The following ZNF385B variants were observed in gnomAD, a reference collection of about 807,000 sequenced individuals.
ZNF385B encodes the protein zinc finger protein 385B, also known as zinc finger protein 533.
A neutral mutation model predicts 39.2 loss-of-function variants in ZNF385B; 23 were observed. The ratio of observed to expected loss-of-function variants is 0.59; its 90% confidence interval spans 0.42 to 0.83. The LOEUF is 0.83. Ranked by LOEUF, ZNF385B falls within the 40% of genes least tolerant of loss-of-function variation. The pLI is 0.00. For missense variants in ZNF385B, 552 were observed against 598.9 expected (o/e 0.92, Z 0.82); for synonymous variants, 205 against 222.6 (o/e 0.92, Z 0.70).
chr2:179,725,334 A>C (rs1384864045), intron 3 of ZNF385B, among the ~76,000 whole-genome samples: 5 of 151,996 alleles, frequency 3.3e-5, no homozygotes, highest in Non-Finnish European at 7.4e-5. Flanking sequence ...AACTGCTTTA[A>C]CTATACTTCT....
intron 3 of ZNF385B, among the ~76,000 whole-genome samples, chr2:179,713,931 A>T (rs1700161721): frequency 6.6e-6 from 1 of 152,230 alleles, no homozygotes; most frequent in African/African-American, 2.4e-5. Context: ...TAATTTTCTT[A>T]ATAATCTAGC....
At chr2:179,645,764 T>C (rs180741183) in intron 3 of ZNF385B, among the ~76,000 whole-genome samples, 137 of 152,294 alleles carry the variant, frequency 9.0e-4, no homozygotes, top group African/African-American at 2.9e-3. Context: ...TGAAGTCCTA[T>C]AGGGCAGGGC....
chr2:179,618,069 T>G (rs1689908580), intron 3 of ZNF385B, among the ~76,000 whole-genome samples: 1 of 152,142 alleles, frequency 6.6e-6, no homozygotes, highest in Non-Finnish European at 1.5e-5. Context: ...ATTAGAAGGC[T>G]CCTACTTTAG....
At chr2:179,816,509 CAA>C (rs892409098) in intron 1 of ZNF385B, among the ~76,000 whole-genome samples, 2 of 152,166 alleles carry the variant, frequency 1.3e-5, no homozygotes, top group Non-Finnish European at 2.9e-5. Context: ...GAGTAAAAAT[CAA>C]AGTCTTTATG....
intron 3 of ZNF385B, among the ~76,000 whole-genome samples, chr2:179,616,241 G>A (rs1355891922): frequency 1.3e-5 from 2 of 152,112 alleles, no homozygotes; most frequent in African/African-American, 4.8e-5. Flanking sequence ...ACAATGCTTG[G>A]CACACAATGA....
chr2:179,730,334 AT>A lies in ZNF385B; in HGVS notation c.298+39168del, dbSNP rs112603142. The stretch of plus-strand genomic sequence containing the variant: ...TCATTCTTCTGGTCTTCAAGAAGAC[AT>A]TCTTCCATGTTATATAATTCTAGAA... On this transcript the variant is annotated intron_variant, in intron 3 of 9. Coordinates refer to ENST00000410066, the MANE Select transcript of ZNF385B (RefSeq NM_152520.6). Among the ~76,000 whole-genome samples, 7 of 152,358 alleles carry A rather than the reference AT, an allele frequency of 4.6e-5. 1 individual carries two copies. Among genetic ancestry groups the A allele is most frequent in the African/African-American group, 1.7e-4 (7 of 41,584 alleles).
chr2:179,648,906 A>G (rs1463363605), intron 3 of ZNF385B, among the ~76,000 whole-genome samples: 1 of 152,240 alleles, frequency 6.6e-6, no homozygotes, highest in East Asian at 1.9e-4. Context: ...AGAATGAGAT[A>G]TTCATAAGGT....
chr2:179,471,180 A>G (rs2052732229), intron 6 of ZNF385B, among the ~76,000 whole-genome samples: 1 of 152,198 alleles, frequency 6.6e-6, no homozygotes, highest in Admixed American at 6.6e-5. Flanking sequence ...GAATTGGGCA[A>G]GAAATAGATA....
chr2:179,522,122 T>C (rs1188552798), intron 4 of ZNF385B, among the ~76,000 whole-genome samples: 3 of 152,204 alleles, frequency 2.0e-5, no homozygotes, highest in Non-Finnish European at 4.4e-5. Flanking sequence ...ACAGACACTG[T>C]CAAGCTAATG....
intron 3 of ZNF385B, among the ~76,000 whole-genome samples, chr2:179,711,939 C>T (rs1162567964): frequency 7.0e-6 from 1 of 143,172 alleles, no homozygotes; most frequent in Non-Finnish European, 1.5e-5. Context: ...CGGCCTACTG[C>T]CACTGGACTG....
At chr2:179,701,699 T>G (rs773079879) in intron 3 of ZNF385B, among the ~76,000 whole-genome samples, 3 of 152,242 alleles carry the variant, frequency 2.0e-5, no homozygotes, top group Non-Finnish European at 4.4e-5. Flanking sequence ...CAGAAATGCC[T>G]GGCATTTGTT....
intron 3 of ZNF385B, among the ~76,000 whole-genome samples, chr2:179,619,116 A>G (rs1289913752): frequency 6.6e-6 from 1 of 152,210 alleles, no homozygotes; most frequent in Non-Finnish European, 1.5e-5. Context: ...CATAATTACC[A>G]CAAAAATTTG....
intron 1 of ZNF385B, among the ~76,000 whole-genome samples, chr2:179,848,217 T>C (rs1708899151): frequency 1.3e-5 from 2 of 152,198 alleles, no homozygotes; most frequent in African/African-American, 2.4e-5. Flanking sequence ...GGCTGCACAG[T>C]ATCTCAGAGG....
At chr2:179,834,531 C>A (rs772952428) in intron 1 of ZNF385B, among the ~76,000 whole-genome samples, 2 of 151,964 alleles carry the variant, frequency 1.3e-5, no homozygotes, top group Non-Finnish European at 1.5e-5. Context: ...TATTTTAAAA[C>A]GAAAGACGGG....
chr2:179,707,478 G>A (rs1699693884), intron 3 of ZNF385B, among the ~76,000 whole-genome samples: 1 of 152,172 alleles, frequency 6.6e-6, no homozygotes, highest in East Asian at 1.9e-4. Flanking sequence ...AGACTATGGA[G>A]GAATTGCAGG....
chr2:179,679,601 ATTGTTGTTGTTGTTGTTG>A (rs71401757), intron 3 of ZNF385B, among the ~76,000 whole-genome samples: 2 of 150,262 alleles, frequency 1.3e-5, no homozygotes, highest in African/African-American at 4.9e-5. Flanking sequence ...AACAGCTATT[ATTGTTGTTGTTGTTGTTG>A]TTGTTGTTGT....
At chr2:179,512,953 G>A (rs973181500) in intron 5 of ZNF385B, among the ~76,000 whole-genome samples, 4 of 152,150 alleles carry the variant, frequency 2.6e-5, no homozygotes, top group African/African-American at 9.7e-5. Flanking sequence ...ATATAAGCTA[G>A]ACAAAGGGGG....
At chr2:179,463,258 G>A (rs769677027) in intron 6 of ZNF385B, among the ~76,000 whole-genome samples, 1 of 152,044 alleles carries the variant, frequency 6.6e-6, no homozygotes, top group Non-Finnish European at 1.5e-5. Context: ...GAAGCTGGAT[G>A]AGATCACCTC....
At chr2:179,639,850 C>A in intron 3 of ZNF385B, among the ~76,000 whole-genome samples, 1 of 152,090 alleles carries the variant, frequency 6.6e-6, no homozygotes, top group East Asian at 1.9e-4. Context: ...TAAAAAGTTT[C>A]TTTACAATGA....
Sources: allele counts gnomAD v4.1 joint callset (sites outside exome capture counted in the v4.1 genomes callset), GRCh38; gene constraint gnomAD v4.1.1; transcripts MANE v1.5; gene names NCBI Gene and HGNC (gene_info 2026-07-23, HGNC 2026-07-21).